COL18A1: variants seen among roughly 807,000 people sequenced by gnomAD.
The protein encoded by COL18A1 is collagen type XVIII alpha 1 chain.
Under a neutral mutation model 168.0 loss-of-function variants are expected in COL18A1, and 133 were observed. The ratio of observed to expected loss-of-function variants is 0.79; its 90% confidence interval spans 0.69 to 0.91. COL18A1 has a LOEUF of 0.91. COL18A1 is among the 40% of genes least tolerant of loss of function. The pLI, the probability that COL18A1 is intolerant of heterozygous loss-of-function variation, is 0.00. For synonymous variants in COL18A1, 949 were observed against 809.0 expected (o/e 1.17, Z -2.94); for missense variants, 2,126 against 1,925.4 (o/e 1.10, Z -1.95).
chr21:45,478,007 G>C (rs1040792919), intron 8 of COL18A1, 42 bp downstream of exon 8: 1 of 1,107,404 alleles, frequency 9.0e-7, no homozygotes, highest in African/African-American at 1.5e-5. Context: ...GGTCTGGAGG[G>C]TGGGGGCTTG....
intron 2 of COL18A1, among the ~76,000 whole-genome samples, chr21:45,434,203 G>T (rs78184684): frequency 0.12 from 14,934 of 122,584 alleles, 726 homozygotes; most frequent in South Asian, 0.15. Context: ...TCACCGGGGG[G>T]TGGTGATATT....
At chr21:45,506,836 C>G (rs1025750435) in intron 37 of COL18A1, 1 of 168,304 alleles carries the variant, frequency 5.9e-6, no homozygotes, top group Admixed American at 5.6e-5. Flanking sequence ...TCGCCACCGG[C>G]CCCCTCCTAG....
At chr21:45,405,547 C>G (rs1407494373) in intron 2 of COL18A1, 74 bp downstream of exon 2, 5 of 952,280 alleles carry the variant, frequency 5.3e-6, no homozygotes, top group Non-Finnish European at 6.8e-6. Context: ...GGTCCCCGCC[C>G]GGCTCCCTCA....
At chr21:45,511,462 G>C (rs2037604704) in intron 41 of COL18A1, among the ~76,000 whole-genome samples, 1 of 152,068 alleles carries the variant, frequency 6.6e-6, no homozygotes, top group Non-Finnish European at 1.5e-5. Context: ...AGGTGCCCCC[G>C]GCCCTCTGCT....
At chr21:45,505,562 G>A (rs2037149211) in intron 36 of COL18A1, 131 bp downstream of exon 36, 2 of 690,760 alleles carry the variant, frequency 2.9e-6, no homozygotes, top group Non-Finnish European at 5.1e-6. Context: ...GCGGTTTCCA[G>A]GGTGGAAGCG....
Position 45,493,680 on chromosome 21 carries a change from T to C in COL18A1, c.2352+105T>C, listed in dbSNP as rs562266347. 229 of 857,162 alleles carry C rather than the reference T, an allele frequency of 2.7e-4. 1 individual carries two copies. In the African/African-American group the frequency reaches 3.5e-3, roughly 13 times the overall value. The allele number at this position is 857,162 out of a possible 1,614,324, so 53.1% of individuals were successfully genotyped here. A position where few individuals can be genotyped will look rare whatever the true frequency, so the allele number is the denominator to read the frequency against. On this transcript the variant is annotated intron_variant, in intron 26 of 41. Transcript: ENST00000651438. ...GGGTCTGGCTCCTGATGCACGAGCC[T>C]CTCCCAAGCAGGGCTCTACCATCCA...
chr21:45,504,931 G>C (rs2037100744), intron 34 of COL18A1, among the ~76,000 whole-genome samples: 1 of 131,154 alleles, frequency 7.6e-6, no homozygotes, highest in Non-Finnish European at 1.6e-5. Context: ...GTCTCTGCTG[G>C]TCTCTCCCCC....
rs1015059241 is a variant in COL18A1, at chr21:45,511,108, C to T, written c.3694-3C>T. ...ACACACATACACACGGTTTCTCTTC[C>T]AGGACGAGCTGCTGTTTCCCAGCTG... is the stretch of plus-strand genomic sequence containing the variant. On this transcript the variant is annotated splice_region_variant and splice_polypyrimidine_tract_variant and intron_variant, in intron 40 of 41. Transcript: ENST00000651438. 1 of 1,528,138 alleles carries T rather than the reference C, an allele frequency of 6.5e-7. No homozygotes were observed. Among genetic ancestry groups the T allele is most frequent in the South Asian group, 1.2e-5 (1 of 84,766 alleles). 94.7% of individuals were successfully genotyped at this position (1,528,138 alleles called of 1,614,324 possible).
chr21:45,468,866 G>A lies in COL18A1; in HGVS notation c.651+80G>A, dbSNP rs947402305. The A allele has an allele frequency of 2.5e-5, 34 of 1,384,254 alleles. No homozygotes were observed. The South Asian group carries it at 2.9e-4, about 12-fold the overall frequency. 85.7% of individuals were successfully genotyped at this position (1,384,254 alleles called of 1,614,324 possible). A position where few individuals can be genotyped will look rare whatever the true frequency, so the allele number is the denominator to read the frequency against. On this transcript the variant is annotated intron_variant, in intron 3 of 41. Coordinates refer to ENST00000651438, the MANE Select transcript of COL18A1 (RefSeq NM_001379500.1). ...TGGGGGTGGCCACTGGGACAGGGAC[G>A]GAGCTGTGGCCGGAAGAGGAGAGCC...
intron 38 of COL18A1, 36 bp from the exon 39 acceptor site, chr21:45,509,320 C>T: frequency 6.5e-7 from 1 of 1,535,256 alleles, no homozygotes. Flanking sequence ...CCCGGAGGGT[C>T]CCCCCGCCGA....
rs2037429703 is a variant in COL18A1 at position 45,509,282 on chromosome 21, A to C, written c.3250-74A>C. The C allele has an allele frequency of 2.6e-6, 4 of 1,528,262 alleles. No individual in the cohort carries two copies. The South Asian group carries it at 4.8e-5, about 18-fold the overall frequency. 94.7% of individuals were successfully genotyped at this position (1,528,262 alleles called of 1,614,324 possible). A position where few individuals can be genotyped will look rare whatever the true frequency, so the allele number is the denominator to read the frequency against. On this transcript the variant is annotated intron_variant, in intron 38 of 41. Transcript: ENST00000651438. ...GAGCCCAGCCCCTCTCACCCAGCCCAGAGGAGGACACAGATGGAGGAGGGG... is the reference window on the plus strand; with the variant it reads ...GAGCCCAGCCCCTCTCACCCAGCCCCGAGGAGGACACAGATGGAGGAGGGG...
chr21:45,510,711 C>CCCCTT (rs1482588832), intron 40 of COL18A1, among the ~76,000 whole-genome samples: 59 of 152,316 alleles, frequency 3.9e-4, no homozygotes, highest in African/African-American at 1.3e-3. Flanking sequence ...TGGGCTGTGG[C>CCCCTT]TTCTGGGTGC....
chr21:45,449,767 T>C (rs2034581398), intron 2 of COL18A1, among the ~76,000 whole-genome samples: 1 of 152,150 alleles, frequency 6.6e-6, no homozygotes. Context: ...CTCCAGCCAC[T>C]GAATCTGCAG....
chr21:45,509,288 G>GGT (rs1457543879), intron 38 of COL18A1, 68 bp from the exon 39 acceptor site: 12 of 1,530,814 alleles, frequency 7.8e-6, no homozygotes, highest in Middle Eastern at 2.3e-4. Context: ...GCCCAGAGGA[G>GGT]GACACAGATG....
At chr21:45,490,218 T>C (rs1316227081) in intron 19 of COL18A1, 57 bp from the exon 20 acceptor site, 4 of 1,444,572 alleles carry the variant, frequency 2.8e-6, no homozygotes, top group Non-Finnish European at 2.8e-6. Context: ...CTCGTGGGGG[T>C]CCCTGCATTC....
chr21:45,474,114 G>A (rs1337117785), intron 4 of COL18A1, 133 bp downstream of exon 4: 1 of 689,168 alleles, frequency 1.5e-6, no homozygotes, highest in African/African-American at 1.8e-5. Context: ...TACCATTTCT[G>A]TGCTCTCCTG....
chr21:45,489,192 T>C (rs778452453), intron 18 of COL18A1, among the ~76,000 whole-genome samples: 5 of 152,254 alleles, frequency 3.3e-5, no homozygotes, highest in Admixed American at 6.5e-5. Context: ...GTTTGCTTTC[T>C]TAAATTGTTT....
chr21:45,405,422 C>T lies in COL18A1; in HGVS notation c.55C>T (p.Leu19Phe). ...WPRRRRLLDV[L>F]APLVLLLGVR... ...GCGGCGGCGGCGCCTCCTGGACGTG[C>T]TCGCGCCCCTGGTCCTGCTGCTCGG... The change falls in exon 2 of 42, where the codon CTC becomes TTC. Residue 19 changes from leucine to phenylalanine, a missense_variant. Physicochemically the swap from Leu to Phe is conservative, Grantham distance 22 (BLOSUM62 0). Transcript: ENST00000651438. The T allele has an allele frequency of 1.5e-6, 2 of 1,362,966 alleles. No individual in the cohort carries two copies. Among genetic ancestry groups the T allele is most frequent in the East Asian group, 3.4e-5 (1 of 29,498 alleles). 84.4% of individuals were successfully genotyped at this position (1,362,966 alleles called of 1,614,324 possible).
At position 45,463,506 on chromosome 21, in the gene COL18A1, C is replaced by A. The variant is rs2035106983; in HGVS notation, c.107-4736C>A. Among the ~76,000 whole-genome samples the A allele has an allele frequency of 6.6e-6, 1 of 152,256 alleles. No homozygotes were observed. Among genetic ancestry groups the A allele is most frequent in the Admixed American group, 6.5e-5 (1 of 15,288 alleles). Reference sequence around the variant, plus strand: ...TTCTAAGACAAATTCTGCCCATGCACTTGTTAATTAGTTGGGGAGATGGAT... The same window carrying A: ...TTCTAAGACAAATTCTGCCCATGCAATTGTTAATTAGTTGGGGAGATGGAT... On this transcript the variant is annotated intron_variant, in intron 2 of 41. Coordinates refer to ENST00000651438, the MANE Select transcript of COL18A1 (RefSeq NM_001379500.1). The surrounding 1 kb of genome is among the most constrained non-coding windows in gnomAD (Gnocchi z 4.0).
Sources: gnomAD v4.1 joint callset for allele counts (sites outside exome capture counted in the v4.1 genomes callset) on GRCh38, gnomAD v4.1.1 for gene constraint, Gnocchi (gnomAD v3.1) non-coding constraint, MANE v1.5 for transcripts, NCBI Gene and HGNC (gene_info 2026-07-23, HGNC 2026-07-21) for gene names.